The following STAG1 variants were observed in gnomAD, a reference collection of about 807,000 sequenced individuals.
STAG1 encodes the protein STAG1 cohesin complex component.
STAG1 carries 26 observed loss-of-function variants against 170.9 expected under a neutral mutation model. The observed-to-expected ratio is 0.15, with a 90% CI of 0.11 to 0.21. The LOEUF (loss-of-function observed/expected upper bound fraction) is 0.21, where lower values mean the gene tolerates loss of function less well. STAG1 is among the 10% of genes least tolerant of loss of function. The pLI, the probability that STAG1 is intolerant of heterozygous loss-of-function variation, is 1.00. For missense variants in STAG1, 964 were observed against 1,509.5 expected, an observed-to-expected ratio of 0.64 and a Z score of 5.99; for synonymous variants, 514 against 497.7, an observed-to-expected ratio of 1.03 and a Z score of -0.44.
intron 16 of STAG1, among the ~76,000 whole-genome samples, chr3:136,424,352 C>T (rs2088050842): frequency 1.6e-5 from 2 of 125,900 alleles, no homozygotes; most frequent in African/African-American, 6.5e-5. Flanking sequence ...TTTTTTGAGA[C>T]GAAGTCTTGT....
intron 1 of STAG1, among the ~76,000 whole-genome samples, chr3:136,750,501 C>T (rs1935174311): frequency 6.6e-6 from 1 of 152,196 alleles, no homozygotes; most frequent in Admixed American, 6.5e-5. Flanking sequence ...AGGAGGCAAT[C>T]CTAGTAACAC....
chr3:136,471,967 A>G (rs1218302222), intron 12 of STAG1, among the ~76,000 whole-genome samples: 2 of 152,094 alleles, frequency 1.3e-5, no homozygotes, highest in Non-Finnish European at 2.9e-5. Context: ...CCTCCTAAGT[A>G]GCTAGGACAA....
chr3:136,575,065 A>T lies in STAG1; in HGVS notation c.298-6204T>A, dbSNP rs529269195. On this transcript the variant is annotated intron_variant, in intron 4 of 33. Coordinates refer to ENST00000383202, the MANE Select transcript of STAG1 (RefSeq NM_005862.3). ...AAATGTTTGGTAATGAGAAAATTTTAAAAAACTGAATAAAAACATCTCAAA... is the reference window on the plus strand; with the variant it reads ...AAATGTTTGGTAATGAGAAAATTTTTAAAAACTGAATAAAAACATCTCAAA... Among the ~76,000 whole-genome samples the T allele has an allele frequency of 3.9e-5, 6 of 152,362 alleles. No individual in the cohort carries two copies. In the East Asian group the frequency reaches 5.8e-4, roughly 15 times the overall value.
chr3:136,547,616 T>C (rs1211156982), intron 5 of STAG1, among the ~76,000 whole-genome samples: 1 of 152,226 alleles, frequency 6.6e-6, no homozygotes, highest in Admixed American at 6.5e-5. Flanking sequence ...CTGGCTTATT[T>C]CATTTAGCAT....
intron 3 of STAG1, among the ~76,000 whole-genome samples, chr3:136,616,417 CAG>C (rs1939599903): frequency 6.6e-6 from 1 of 152,012 alleles, no homozygotes; most frequent in Non-Finnish European, 1.5e-5. Flanking sequence ...TTAAGGAAGT[CAG>C]AACTAAAAAC....
intron 1 of STAG1, among the ~76,000 whole-genome samples, chr3:136,684,941 AG>A (rs1186562390): frequency 6.6e-6 from 1 of 152,236 alleles, no homozygotes; most frequent in Non-Finnish European, 1.5e-5. Flanking sequence ...AAGACAATCT[AG>A]ATGACCCTGG....
rs1377280044 is a variant in STAG1 at position 136,385,945 on chromosome 3, TC to T, written c.2278-8194del. On this transcript the variant is annotated intron_variant, in intron 22 of 33. Transcript: ENST00000383202. ...TTGAACTCCTGGGCTCAAACAATCC[TC>T]CCGCCTCAGCCTCTCAAAGCGCTGG... Among the ~76,000 whole-genome samples, 7 of 152,182 alleles carry T rather than the reference TC, an allele frequency of 4.6e-5. No homozygotes were observed. The East Asian group carries it at 1.3e-3, about 29-fold the overall frequency.
chr3:136,380,004 C>CT (rs57634912), intron 22 of STAG1, among the ~76,000 whole-genome samples: 12,664 of 152,110 alleles, frequency 0.083, 1,739 homozygotes, highest in African/African-American at 0.29. Context: ...GTAGTCACAT[C>CT]TTTCGTTGAG....
At chr3:136,590,250 T>C (rs7627292) in intron 4 of STAG1, among the ~76,000 whole-genome samples, 55,423 of 151,772 alleles carry the variant, frequency 0.37, 11,197 homozygotes, top group African/African-American at 0.53. Context: ...TTTGGGAGGT[T>C]GAGGTGGGTG....
chr3:136,688,787 A>G (rs1484861640), intron 1 of STAG1, among the ~76,000 whole-genome samples: 2 of 152,236 alleles, frequency 1.3e-5, no homozygotes, highest in Non-Finnish European at 2.9e-5. Context: ...AGAGTGACCT[A>G]AATGTACAAA....
At chr3:136,448,765 T>A (rs1352473491) in intron 14 of STAG1, among the ~76,000 whole-genome samples, 1 of 151,894 alleles carries the variant, frequency 6.6e-6, no homozygotes, top group African/African-American at 2.4e-5. Flanking sequence ...ATGGCGAAAC[T>A]CCATCTCTAC....
intron 1 of STAG1, among the ~76,000 whole-genome samples, chr3:136,742,165 CAACA>C: frequency 6.6e-6 from 1 of 152,116 alleles, no homozygotes; most frequent in Non-Finnish European, 1.5e-5. Flanking sequence ...CAAAAAACAA[CAACA>C]AATACATAGA....
chr3:136,559,602 T>C (rs1270005141), intron 5 of STAG1, among the ~76,000 whole-genome samples: 1 of 152,198 alleles, frequency 6.6e-6, no homozygotes, highest in Non-Finnish European at 1.5e-5. Context: ...TGCACTGAGA[T>C]GTCCTGAGGG....
At chr3:136,418,926 C>A (rs1478127750) in intron 20 of STAG1, among the ~76,000 whole-genome samples, 1 of 152,090 alleles carries the variant, frequency 6.6e-6, no homozygotes, top group Non-Finnish European at 1.5e-5. Flanking sequence ...TAGGTGTGAG[C>A]CACCGCGTCA....
At chr3:136,548,369 C>T (rs1936247587) in intron 5 of STAG1, among the ~76,000 whole-genome samples, 1 of 152,120 alleles carries the variant, frequency 6.6e-6, no homozygotes, top group South Asian at 2.1e-4. Flanking sequence ...CTGCCTCAGC[C>T]TCCCCAAGTG....
chr3:136,452,705 ACAAT>A (rs1389197599), intron 13 of STAG1, among the ~76,000 whole-genome samples: 4 of 152,212 alleles, frequency 2.6e-5, no homozygotes, highest in Admixed American at 1.3e-4. Flanking sequence ...TTTACAATGA[ACAAT>A]CAATGTTCAA....
At chr3:136,355,255 G>C (rs2108275685) in intron 28 of STAG1, among the ~76,000 whole-genome samples, 1 of 149,490 alleles carries the variant, frequency 6.7e-6, no homozygotes, top group East Asian at 2.0e-4. Flanking sequence ...AGAAGGCTGA[G>C]GCAGGAGAAT....
chr3:136,477,242 C>T (rs375714838), intron 10 of STAG1, 47 bp downstream of exon 10: 81 of 1,545,566 alleles, frequency 5.2e-5, no homozygotes, highest in Admixed American at 4.7e-4. Context: ...CATTTTAGTA[C>T]TGAGACAAAC....
chr3:136,541,867 A>G (rs1198011071), intron 6 of STAG1, among the ~76,000 whole-genome samples: 1 of 152,184 alleles, frequency 6.6e-6, no homozygotes, highest in Non-Finnish European at 1.5e-5. Flanking sequence ...CAAAATAAAT[A>G]TCAAGAATCT....
Sources: allele counts gnomAD v4.1 joint callset (sites outside exome capture counted in the v4.1 genomes callset), GRCh38; gene constraint gnomAD v4.1.1; transcripts MANE v1.5; gene names NCBI Gene and HGNC (gene_info 2026-07-23, HGNC 2026-07-21).